Variants in PPP1R1B observed in about 807,000 individuals in gnomAD.
PPP1R1B encodes the protein protein phosphatase 1 regulatory inhibitor subunit 1B.
A neutral mutation model predicts 28.2 loss-of-function variants in PPP1R1B; 13 were observed. The observed-to-expected ratio is 0.46, with a 90% confidence interval of 0.30 to 0.73. The LOEUF is 0.73. Ranked by LOEUF, PPP1R1B falls within the 30% of genes least tolerant of loss-of-function variation. The probability of loss-of-function intolerance (pLI) is 0.07; values close to 1 mark genes in which losing one functional copy is unlikely to be tolerated. For missense variants in PPP1R1B, 236 were observed against 256.7 expected, an observed-to-expected ratio of 0.92 and a Z score of 0.55; for synonymous variants, 102 against 97.5, an observed-to-expected ratio of 1.05 and a Z score of -0.27.
At chr17:39,635,166 A>C (rs2056907727) in intron 5 of PPP1R1B, among the ~76,000 whole-genome samples, 1 of 152,190 alleles carries the variant, frequency 6.6e-6, no homozygotes, top group Non-Finnish European at 1.5e-5. Flanking sequence ...ACTGCACTCC[A>C]GCCTGGGCAA....
At position 39,635,663 on chromosome 17, in the gene PPP1R1B, C is replaced by G. The variant is rs201468603; in HGVS notation, c.502C>G (p.Pro168Ala). ...GLEGPWERPPPLDESERDGGS... is the reference protein window; with the variant it reads ...GLEGPWERPPALDESERDGGS... Reference sequence around the variant, plus strand: ...GGAAGGGCCCTGGGAGCGCCCACCCCCTCTGGATGAGTCCGAGAGAGATGG... The same window carrying G: ...GGAAGGGCCCTGGGAGCGCCCACCCGCTCTGGATGAGTCCGAGAGAGATGG... The change falls in exon 6 of 7, where the codon CCT (proline) becomes GCT (alanine). Residue 168 changes from proline (P) to alanine (A), a missense_variant. By Grantham distance (27) the Pro-to-Ala change is conservative (BLOSUM62 -1). Transcript: ENST00000254079. 1.5e-5 allele frequency: 24 copies of G among 1,614,170 alleles called. No homozygotes were observed. The East Asian group carries it at 2.7e-4, about 18-fold the overall frequency.
chr17:39,634,766 T>G (rs1274813206), intron 5 of PPP1R1B, among the ~76,000 whole-genome samples: 1 of 152,198 alleles, frequency 6.6e-6, no homozygotes, highest in African/African-American at 2.4e-5. Context: ...GTGAAGAGAT[T>G]GGCCATGGGG....
At position 39,635,706 on chromosome 17, in the gene PPP1R1B, T is replaced by A; in HGVS notation, c.545T>A (p.Val182Glu). The A allele has an allele frequency of 6.2e-7, 1 of 1,613,836 alleles. No individual in the cohort carries two copies. The highest frequency in any genetic ancestry group is 8.5e-7 in the Non-Finnish European group (1 of 1,179,958). Residue 182 changes from valine (V) to glutamate (E), a missense_variant, in exon 6 of 7, where the codon GTG (valine) becomes GAG (glutamate). Coordinates refer to ENST00000254079, the MANE Select transcript of PPP1R1B (RefSeq NM_032192.4). ...SERDGGSEDQVEDPALSEPGE... is the reference protein window; with the variant it reads ...SERDGGSEDQEEDPALSEPGE... ...AGAGATGGAGGCTCTGAGGACCAAG[T>A]GGAAGACCCAGCACTAAGTGGTAAG... is the stretch of plus-strand genomic sequence containing the variant.
chr17:39,630,341 C>T (rs539659021), intron 4 of PPP1R1B: 5 of 417,564 alleles, frequency 1.2e-5, no homozygotes, highest in South Asian at 2.5e-5. Context: ...GGGACTCCAC[C>T]TGCAGCTCCT....
chr17:39,635,855 C>T lies in PPP1R1B; in HGVS notation c.605C>T (p.Pro202Leu). 2 of 1,613,216 alleles carry T rather than the reference C, an allele frequency of 1.2e-6. No individual in the cohort carries two copies. The highest frequency in any genetic ancestry group is 1.7e-6 in the Non-Finnish European group (2 of 1,180,010). The change falls in exon 7 of 7, where the codon CCT (proline) becomes CTT (leucine). Residue 202 changes from proline to leucine, a missense_variant. Pro to Leu is a moderately conservative substitution (Grantham distance 98). Coordinates refer to ENST00000254079, the MANE Select transcript of PPP1R1B (RefSeq NM_032192.4). ...CCTCAGCGCCCTTCCCCCTCTGAGC[C>T]TGGCACATAGGCACCCAGCCTGCAT... ...EEPQRPSPSE[P>L]GT
In PPP1R1B at chr17:39,636,192, TCCTCTCCC is replaced by T. The variant is rs2056922435; in HGVS notation, c.*329_*336del. ...GCCCTTCACAATTCTACTCCCCAGA[TCCTCTCCC>T]CTGGACACAGGAGACCCACAGGGCA... On this transcript the variant is annotated 3_prime_UTR_variant, in exon 7 of 7. Transcript: ENST00000254079. The T allele has an allele frequency of 5.6e-6, 2 of 357,140 alleles. No individual in the cohort carries two copies. The highest frequency in any genetic ancestry group is 1.1e-5 in the Non-Finnish European group (2 of 187,896). 22.1% of individuals were successfully genotyped at this position (357,140 alleles called of 1,614,324 possible).
intron 1 of PPP1R1B, among the ~76,000 whole-genome samples, chr17:39,628,053 C>A (rs2144833618): frequency 6.6e-6 from 1 of 152,232 alleles, no homozygotes; most frequent in South Asian, 2.1e-4. Context: ...GGTGGGGAGT[C>A]ATCACAAAGC....
intron 1 of PPP1R1B, chr17:39,628,718 C>A: frequency 1.0e-6 from 1 of 994,798 alleles, no homozygotes; most frequent in Non-Finnish European, 1.2e-6. Context: ...TGGGCAGGGC[C>A]ACATGGGTGC....
chr17:39,633,520 ACT>A, intron 4 of PPP1R1B: 1 of 212,710 alleles, frequency 4.7e-6, no homozygotes, highest in Non-Finnish European at 9.7e-6. Flanking sequence ...GCTGGGAGAC[ACT>A]GTCTCCCGTA....
intron 4 of PPP1R1B, among the ~76,000 whole-genome samples, chr17:39,630,817 C>T (rs2056871697): frequency 6.6e-6 from 1 of 152,206 alleles, no homozygotes; most frequent in Non-Finnish European, 1.5e-5. Context: ...CGCCTGTAAT[C>T]CCAGCACTTT....
intron 1 of PPP1R1B, 51 bp from the exon 2 acceptor site, chr17:39,629,118 TG>T: frequency 6.4e-7 from 1 of 1,554,340 alleles, no homozygotes; most frequent in Non-Finnish European, 8.9e-7. Flanking sequence ...TGCCTGGGGG[TG>T]GGGGAGGGCT....
intron 2 of PPP1R1B, 119 bp downstream of exon 2, chr17:39,629,349 C>G: frequency 6.9e-6 from 9 of 1,296,998 alleles, no homozygotes; most frequent in Non-Finnish European, 7.8e-6. Context: ...TGGATAAGGT[C>G]TGGGAACCCA....
chr17:39,630,147 CA>C (rs1346602415), intron 4 of PPP1R1B, 100 bp downstream of exon 4: 4 of 1,134,110 alleles, frequency 3.5e-6, no homozygotes, highest in African/African-American at 3.1e-5. Context: ...TGTTTCGCCA[CA>C]CATAGCCCGC....
chr17:39,633,947 AGAG>A lies in PPP1R1B; in HGVS notation c.315_317del (p.Glu105del). 1.2e-6 allele frequency: 2 copies of A among 1,613,922 alleles called. No individual in the cohort carries two copies. Among genetic ancestry groups the A allele is most frequent in the Non-Finnish European group, 1.7e-6 (2 of 1,179,874 alleles). ...GCAATTTGAATGAGAACCAGGCCTC[AGAG>A]GAGGAGGATGAGCTGGGGGAGCTTC... On this transcript the variant is annotated inframe_deletion, in exon 5 of 7. Coordinates refer to ENST00000254079, the MANE Select transcript of PPP1R1B (RefSeq NM_032192.4).
intron 4 of PPP1R1B, chr17:39,633,247 C>CA (rs2056891655): frequency 6.5e-6 from 1 of 153,506 alleles, no homozygotes; most frequent in African/African-American, 2.4e-5. Flanking sequence ...GAGCATGCCG[C>CA]ATCCCCCGGC....
chr17:39,635,424 A>G (rs1275003426), intron 5 of PPP1R1B, among the ~76,000 whole-genome samples, 183 bp from the exon 6 acceptor site: 3 of 152,070 alleles, frequency 2.0e-5, no homozygotes, highest in Non-Finnish European at 4.4e-5. Context: ...GAAAGGTACT[A>G]ACTGACTTAC....
Position 39,627,164 on chromosome 17 carries a change from G to T in PPP1R1B, c.-229G>T, listed in dbSNP as rs2056843335. On this transcript the variant is annotated 5_prime_UTR_variant, in exon 1 of 7. Coordinates refer to ENST00000254079, the MANE Select transcript of PPP1R1B (RefSeq NM_032192.4). ...GCACAGACCTGGCTCAGCGAGCGCG[G>T]GGGGCGAGCCCCGAGTCCCGAGAGC... The T allele has an allele frequency of 2.1e-6, 1 of 476,918 alleles. No individual in the cohort carries two copies. Among genetic ancestry groups the T allele is most frequent in the Non-Finnish European group, 3.7e-6 (1 of 272,080 alleles). The allele number at this position is 476,918 out of a possible 1,614,324, so 29.5% of individuals were successfully genotyped here. A position where few individuals can be genotyped will look rare whatever the true frequency, so the allele number is the denominator to read the frequency against.
At chr17:39,633,455 T>A in intron 4 of PPP1R1B, 1 of 179,484 alleles carries the variant, frequency 5.6e-6, no homozygotes, top group Non-Finnish European at 1.2e-5. Context: ...AAATGGAAAG[T>A]GGCAAATCCC....
chr17:39,634,004 TGAGGAGGAAGAG>T lies in PPP1R1B; in HGVS notation c.369_380del (p.Glu123_Glu126del). On this transcript the variant is annotated inframe_deletion, in exon 5 of 7. Transcript: ENST00000254079. ...AGCTGGGTTATCCAAGAGAGGAAGA[TGAGGAGGAAGAG>T]GAGGATGATGAAGAAGAGGAAGAAG... 6.2e-7 allele frequency: 1 copy of T among 1,613,506 alleles called. No individual in the cohort carries two copies. The highest frequency in any genetic ancestry group is 8.5e-7 in the Non-Finnish European group (1 of 1,179,810).
Sources: gnomAD v4.1 joint callset for allele counts (sites outside exome capture counted in the v4.1 genomes callset) on GRCh38, gnomAD v4.1.1 for gene constraint, MANE v1.5 for transcripts, NCBI Gene and HGNC (gene_info 2026-07-23, HGNC 2026-07-21) for gene names.